The following CIC variants were observed in gnomAD, a reference collection of about 807,000 sequenced individuals.
CIC encodes the protein capicua transcriptional repressor.
Under a neutral mutation model 115.7 loss-of-function variants are expected in CIC, and 18 were observed. The observed-to-expected ratio is 0.16, with a 90% confidence interval of 0.11 to 0.23. The LOEUF (loss-of-function observed/expected upper bound fraction) is 0.23. Among genes scored for constraint, CIC ranks in the 10% least tolerant of loss-of-function variants. The pLI is 1.00. For missense variants in CIC, 2,000 were observed against 2,159.3 expected (o/e 0.93, Z 1.46); for synonymous variants, 1,076 against 923.0 (o/e 1.17, Z -3.01).
At chr19:42,282,889 CG>C (rs2037327891) in intron 2 of CIC, among the ~76,000 whole-genome samples, 1 of 9,216 alleles carries the variant, frequency 1.1e-4, no homozygotes. Flanking sequence ...GGAGGGGGGG[CG>C]GGGTTAGTGG....
Position 42,280,376 on chromosome 19 carries a change from C to T in CIC, c.2794+5799C>T, listed in dbSNP as rs1231174879. Among the ~76,000 whole-genome samples the T allele has an allele frequency of 2.6e-5, 4 of 152,208 alleles. No homozygotes were observed. Among genetic ancestry groups the T allele is most frequent in the Non-Finnish European group, 4.4e-5 (3 of 67,970 alleles). ...GGGTGCTCCGGGGGCTGTGTAGAAGCGGACTGGCACCCAGCGAGGGCCGCG... is the reference window on the plus strand; with the variant it reads ...GGGTGCTCCGGGGGCTGTGTAGAAGTGGACTGGCACCCAGCGAGGGCCGCG... On this transcript the variant is annotated intron_variant, in intron 2 of 20. Coordinates refer to ENST00000681038, the MANE Select transcript of CIC (RefSeq NM_001386298.1). This position sits in a 1 kb window ranked among gnomAD's most constrained non-coding sequence, Gnocchi z 4.9.
At position 42,293,230 on chromosome 19, in the gene CIC, A is replaced by G; in HGVS notation, c.6471A>G (p.Pro2157=). The change falls in exon 16 of 21, where the codon CCA becomes CCG. Residue 2157 remains proline, a synonymous_variant. Coordinates refer to ENST00000681038, the MANE Select transcript of CIC (RefSeq NM_001386298.1). The part of the protein sequence containing the change: ...TWTPTARSSP[P]LPPPAEERTS... ...CTCCCACGGCCCGGAGCAGCCCCCC[A>G]CTGCCCCCACCTGCTGAGGAGCGGA... is the stretch of plus-strand genomic sequence containing the variant. 1.9e-6 allele frequency: 3 copies of G among 1,595,054 alleles called. No individual in the cohort carries two copies. Among genetic ancestry groups the G allele is most frequent in the Non-Finnish European group, 2.6e-6 (3 of 1,172,406 alleles).
Position 42,291,041 on chromosome 19 carries a change from C to T in CIC, c.5000C>T (p.Ala1667Val), listed in dbSNP as rs2147266577. ...PLLGTVGKAP[A>V]TVTNLLVGTP... is the part of the protein sequence containing the mutation. ...CTGGGCACTGTGGGGAAGGCGCCTG[C>T]CACTGTCACTAACCTACTGGTGGGC... The change falls in exon 11 of 21, where the codon GCC becomes GTC. Residue 1667 changes from alanine to valine, a missense_variant. Physicochemically the swap from Ala to Val is moderately conservative, Grantham distance 64. Transcript: ENST00000681038. The T allele has an allele frequency of 6.2e-7, 1 of 1,613,984 alleles. No homozygotes were observed. The highest frequency in any genetic ancestry group is 8.5e-7 in the Non-Finnish European group (1 of 1,179,992).
chr19:42,279,852 G>A (rs749522683), intron 2 of CIC: 89 of 162,994 alleles, frequency 5.5e-4, no homozygotes, highest in Non-Finnish European at 1.0e-3. Context: ...TGAAGGTGCA[G>A]GAGTGAGTCT....
intron 2 of CIC, 99 bp from the exon 3 acceptor site, chr19:42,286,672 A>G: frequency 6.6e-7 from 1 of 1,516,018 alleles, no homozygotes; most frequent in Non-Finnish European, 9.0e-7. Flanking sequence ...GGGGGTAGAC[A>G]AAAGGGGTGG....
In CIC at chr19:42,271,933, G is replaced by A. The variant is rs1304038488; in HGVS notation, c.150G>A (p.Pro50=). 5 of 399,284 alleles carry A rather than the reference G, an allele frequency of 1.3e-5. No individual in the cohort carries two copies. The highest frequency in any genetic ancestry group is 1.3e-5 in the Non-Finnish European group (3 of 226,594). 24.7% of individuals were successfully genotyped at this position (399,284 alleles called of 1,614,324 possible). A position where few individuals can be genotyped will look rare whatever the true frequency, so the allele number is the denominator to read the frequency against. The change falls in exon 2 of 21, where the codon CCG becomes CCA. Residue 50 remains proline, a synonymous_variant. Coordinates refer to ENST00000681038, the MANE Select transcript of CIC (RefSeq NM_001386298.1). ...AGGAGGATGACGAGGCACAGCAGCCGCAACCACAGTCCGGGCCCGAAGAGG... is the reference window on the plus strand; with the variant it reads ...AGGAGGATGACGAGGCACAGCAGCCACAACCACAGTCCGGGCCCGAAGAGG... The part of the protein sequence containing the change: ...PEEEDDEAQQ[P]QPQSGPEEAE...
Position 42,293,836 on chromosome 19 carries a change from A to G in CIC, c.6767A>G (p.Asn2256Ser), listed in dbSNP as rs1018729740. The part of the protein sequence containing the change: ...PLKKTFDSVD[N>S]RVLSEVDFEE... Reference sequence around the variant, plus strand: ...AAGAAGACCTTTGACTCTGTGGACAAGTGAGCATGGGCTGGGGCCTTGGTG... The same window carrying G: ...AAGAAGACCTTTGACTCTGTGGACAGGTGAGCATGGGCTGGGGCCTTGGTG... Residue 2256 changes from asparagine (N) to serine (S), a missense_variant and splice_region_variant, in exon 17 of 21, where the codon AAC (asparagine) becomes AGC (serine). Coordinates refer to ENST00000681038, the MANE Select transcript of CIC (RefSeq NM_001386298.1). The G allele has an allele frequency of 3.6e-5, 58 of 1,612,726 alleles. No individual in the cohort carries two copies. In the East Asian group the frequency reaches 1.3e-3, roughly 36 times the overall value.
intron 8 of CIC, 28 bp downstream of exon 8, chr19:42,289,118 G>A (rs576095122): frequency 2.0e-5 from 33 of 1,613,346 alleles, no homozygotes; most frequent in Admixed American, 6.7e-5. Flanking sequence ...CCTAGTGGGG[G>A]TGGGCAGGGA....
Position 42,292,701 on chromosome 19 carries a change from C to T in CIC, c.6038C>T (p.Ser2013Phe), listed in dbSNP as rs772260824. The T allele has an allele frequency of 3.5e-5, 56 of 1,613,730 alleles. No homozygotes were observed. Among genetic ancestry groups the T allele is most frequent in the Non-Finnish European group, 4.6e-5 (54 of 1,179,976 alleles). Residue 2013 changes from serine (S) to phenylalanine (F), a missense_variant, in exon 15 of 21, where the codon TCC becomes TTC. By Grantham distance (155) the Ser-to-Phe change is radical (BLOSUM62 -2). Coordinates refer to ENST00000681038, the MANE Select transcript of CIC (RefSeq NM_001386298.1). ...AFYSGSPAPT[S>F]SAPLAQPSQA... ...TACTCTGGCAGCCCTGCACCCACCT[C>T]CTCAGCACCCCTGGCCCAGCCATCC...
rs1255067122 is a variant in CIC, at chr19:42,291,564, C to T, written c.5432C>T (p.Ser1811Leu). ...VPSAPPPKAQ[S>L]VSPVQAPPPG... is the part of the protein sequence containing the mutation. ...CTTGCCTCTTAACTTCCAGCCCAGT[C>T]AGTTTCTCCCGTGCAGGCCCCGCCC... is the stretch of plus-strand genomic sequence containing the variant. The change falls in exon 12 of 21, where the codon TCA becomes TTA. Residue 1811 changes from serine (S) to leucine (L), a missense_variant. This residue lies in a region of CIC where 1,466 missense variants were observed against 1,390.4 expected (regional missense o/e 1.05). Coordinates refer to ENST00000681038, the MANE Select transcript of CIC (RefSeq NM_001386298.1). The T allele has an allele frequency of 1.2e-6, 2 of 1,613,088 alleles. No individual in the cohort carries two copies. The highest frequency in any genetic ancestry group is 2.2e-5 in the East Asian group (1 of 44,884).
In CIC at chr19:42,295,143, G is replaced by GGGCCGCCCCCCCC; in HGVS notation, c.7506_7507insGGCCGCCCCCCCC (p.Pro2503GlyfsTer24). 7.2e-7 allele frequency: 1 copy of GGGCCGCCCCCCCC among 1,382,736 alleles called. No individual in the cohort carries two copies. Among genetic ancestry groups the GGGCCGCCCCCCCC allele is most frequent in the Non-Finnish European group, 9.6e-7 (1 of 1,037,824 alleles). The allele number at this position is 1,382,736 out of a possible 1,614,324, so 85.7% of individuals were successfully genotyped here. A position where few individuals can be genotyped will look rare whatever the true frequency, so the allele number is the denominator to read the frequency against. ...AGCCTGGCTGGGAGGGGGCTCCCCA[G>GGGCCGCCCCCCCC]CCCTCCCCCCCACCCCCAGGTCCCT... On this transcript the variant is annotated frameshift_variant, in exon 21 of 21. Transcript: ENST00000681038. LOFTEE classifies it high-confidence loss of function.
chr19:42,289,288 G>A lies in CIC; in HGVS notation c.3969G>A (p.Gly1323=). The part of the protein sequence containing the change: ...PGEGGALAAT[G]RPPLLPTRAS... ...AGGGAGGTGCCTTGGCGGCCACTGG[G>A]CGGCCCCCGCTGCTGCCCACCCGAG... Residue 1323 remains glycine, a synonymous_variant, in exon 9 of 21, where the codon GGG becomes GGA. Coordinates refer to ENST00000681038, the MANE Select transcript of CIC (RefSeq NM_001386298.1). 6.2e-7 allele frequency: 1 copy of A among 1,613,876 alleles called. No individual in the cohort carries two copies.
At chr19:42,284,594 T>A in intron 2 of CIC, 25 of 436,368 alleles carry the variant, frequency 5.7e-5, no homozygotes, top group Non-Finnish European at 8.3e-5. Context: ...GGCGACGGCC[T>A]CCCGCTCCCC....
Position 42,292,396 on chromosome 19 carries a change from G to A in CIC, c.5832G>A (p.Thr1944=), listed in dbSNP as rs201026251. 137 of 1,612,588 alleles carry A rather than the reference G, an allele frequency of 8.5e-5. No homozygotes were observed. In the South Asian group the frequency reaches 9.7e-4, roughly 11 times the overall value. ...QAGTVTSYGP[T]SSVALGFTSL... is the part of the protein sequence containing the mutation. ...GAACAGTCACCTCGTACGGGCCCAC[G>A]AGCTCTGTAGCTCTAGGCTTCACCT... The change falls in exon 14 of 21, where the codon ACG becomes ACA. Residue 1944 remains threonine (T), a synonymous_variant. Transcript: ENST00000681038.
chr19:42,284,913 C>A, intron 2 of CIC: 1 of 777,448 alleles, frequency 1.3e-6, no homozygotes, highest in Non-Finnish European at 2.1e-6. Flanking sequence ...GGAGCTCGGC[C>A]GGGCCGAGTG....
intron 2 of CIC, among the ~76,000 whole-genome samples, chr19:42,282,518 CTG>C (rs1168913337): frequency 6.6e-6 from 1 of 152,226 alleles, no homozygotes; most frequent in Non-Finnish European, 1.5e-5. Flanking sequence ...ACATCCTTGC[CTG>C]TGTCTTTGTG....
intron 2 of CIC, among the ~76,000 whole-genome samples, chr19:42,285,266 G>A (rs1196548012): frequency 6.6e-6 from 1 of 152,120 alleles, no homozygotes; most frequent in Non-Finnish European, 1.5e-5. Context: ...GGAGGGAGCA[G>A]GACCAAAGGA....
In CIC at chr19:42,295,673, C is replaced by T; in HGVS notation, c.*482C>T. ...CTCTGCCCTCCCAACTTGGGTTGTA[C>T]TTTCTAAGAAGGTGATTCCCCCTGC... On this transcript the variant is annotated 3_prime_UTR_variant, in exon 21 of 21. Transcript: ENST00000681038. 8.6e-6 allele frequency: 2 copies of T among 233,846 alleles called. No homozygotes were observed. Among genetic ancestry groups the T allele is most frequent in the Non-Finnish European group, 1.7e-5 (2 of 118,498 alleles). The allele number at this position is 233,846 out of a possible 1,614,324, so 14.5% of individuals were successfully genotyped here.
rs369312711 is a variant in CIC, at chr19:42,293,268, G to C, written c.6509G>C (p.Gly2170Ala). 1 of 1,579,736 alleles carries C rather than the reference G, an allele frequency of 6.3e-7. No homozygotes were observed. The highest frequency in any genetic ancestry group is 2.3e-5 in the East Asian group (1 of 42,892). Residue 2170 changes from glycine (G) to alanine (A), a missense_variant, in exon 16 of 21, where the codon GGC becomes GCC. Transcript: ENST00000681038. ...PPAEERTSAK[G>A]PETMASKFPS... ...GCTGAGGAGCGGACCAGCGCCAAGG[G>C]CCCTGAGACCATGGTGAGCGCCTGC...
Sources: gnomAD v4.1 joint callset for allele counts (sites outside exome capture counted in the v4.1 genomes callset) on GRCh38, gnomAD v4.1.1 for gene constraint, gnomAD v4.1.1 regional missense constraint, Gnocchi (gnomAD v3.1) non-coding constraint, MANE v1.5 for transcripts, NCBI Gene and HGNC (gene_info 2026-07-23, HGNC 2026-07-21) for gene names.